Variants in TPO observed in about 807,000 individuals in gnomAD.
TPO encodes the protein thyroid peroxidase.
TPO carries 78 observed loss-of-function variants against 96.9 expected under a neutral mutation model. That is an observed-to-expected ratio of 0.81 (90% CI 0.67 to 0.97). TPO has a LOEUF of 0.97. Among genes scored for constraint, TPO ranks in the 50% least tolerant of loss-of-function variants. TPO has a pLI of 0.00. For synonymous variants in TPO, 547 were observed against 538.0 expected (o/e 1.02, Z -0.23); for missense variants, 1,252 against 1,274.8 (o/e 0.98, Z 0.27).
At chr2:1,453,902 G>T (rs1400525148) in intron 6 of TPO, 79 bp downstream of exon 6, 13 of 1,596,412 alleles carry the variant, frequency 8.1e-6, no homozygotes, top group Non-Finnish European at 1.1e-5. Context: ...CTTTTACTGG[G>T]TTCTTGCTCG....
chr2:1,507,763 A>G (rs1673632890), intron 14 of TPO, among the ~76,000 whole-genome samples: 1 of 152,124 alleles, frequency 6.6e-6, no homozygotes, highest in South Asian at 2.1e-4. Context: ...GAAGTTGCTT[A>G]TCAGCTTAAG....
At chr2:1,378,932 C>T (rs913045760) in intron 1 of TPO, among the ~76,000 whole-genome samples, 4 of 152,108 alleles carry the variant, frequency 2.6e-5, no homozygotes, top group African/African-American at 7.2e-5. Context: ...TGAACCCTGG[C>T]GAGGTGCACA....
At chr2:1,465,710 C>T (rs982644293) in intron 7 of TPO, among the ~76,000 whole-genome samples, 1 of 151,788 alleles carries the variant, frequency 6.6e-6, no homozygotes, top group Non-Finnish European at 1.5e-5. Context: ...TTGCTGTTGG[C>T]GTATAGAAGA....
At chr2:1,517,340 TAA>T (rs1674815004) in intron 15 of TPO, among the ~76,000 whole-genome samples, 2 of 152,200 alleles carry the variant, frequency 1.3e-5, no homozygotes, top group African/African-American at 4.8e-5. Flanking sequence ...CATCCATGAA[TAA>T]AAAGTTTTAT....
chr2:1,534,149 C>A (rs1558432133), intron 15 of TPO, among the ~76,000 whole-genome samples: 1 of 55,596 alleles, frequency 1.8e-5, no homozygotes, highest in Non-Finnish European at 3.6e-5. Context: ...CTGTTTGCAA[C>A]CTCCCAAATC....
At chr2:1,453,945 TC>T (rs757364291) in intron 6 of TPO, 122 bp downstream of exon 6, 45 of 1,424,860 alleles carry the variant, frequency 3.2e-5, no homozygotes, top group Non-Finnish European at 4.4e-5. Flanking sequence ...CTTCAGATCC[TC>T]CCAGCCTCCC....
upstream of TPO, among the ~76,000 whole-genome samples, chr2:1,408,474 C>T (rs983238116): frequency 3.3e-5 from 5 of 152,164 alleles, no homozygotes; most frequent in Admixed American, 3.3e-4. Flanking sequence ...AATCCTGGTT[C>T]AGTGAGCTTA....
At chr2:1,462,765 A>G (rs1668566122) in intron 7 of TPO, among the ~76,000 whole-genome samples, 1 of 152,250 alleles carries the variant, frequency 6.6e-6, no homozygotes, top group Non-Finnish European at 1.5e-5. Flanking sequence ...AATCTTCCCT[A>G]GGGACAATGT....
In TPO at chr2:1,428,906, C is replaced by T. The variant is rs150831129; in HGVS notation, c.180-4532C>T. 4.9e-3 allele frequency among the ~76,000 whole-genome samples: 741 copies of T among 152,160 alleles called. 3 individuals carry two copies. Among genetic ancestry groups the T allele is most frequent in the South Asian group, 0.018 (84 of 4,796 alleles). On this transcript the variant is annotated intron_variant, in intron 3 of 16. Transcript: ENST00000329066. ...CTGACAATGTCACTTGTGTCTGGGC[C>T]GAGAGTCTCCTGTCTTTGGCTGGCA...
intron 13 of TPO, among the ~76,000 whole-genome samples, chr2:1,499,898 G>C (rs1481099035): frequency 6.6e-6 from 1 of 152,226 alleles, no homozygotes; most frequent in East Asian, 1.9e-4. Flanking sequence ...ACAGGAATAA[G>C]GCATTGATTT....
In TPO at chr2:1,483,675, C is replaced by T. The variant is rs572768464; in HGVS notation, c.1339-921C>T. Among the ~76,000 whole-genome samples, 27 of 152,296 alleles carry T rather than the reference C, an allele frequency of 1.8e-4. 1 individual carries two copies. The East Asian group carries it at 4.5e-3, about 25-fold the overall frequency. ...ACCAATGGATGAACTAGCACAGGGACGGAAACCCCACTGGGAAACATTTGG... is the reference window on the plus strand; with the variant it reads ...ACCAATGGATGAACTAGCACAGGGATGGAAACCCCACTGGGAAACATTTGG... On this transcript the variant is annotated intron_variant, in intron 8 of 16. Coordinates refer to ENST00000329066, the MANE Select transcript of TPO (RefSeq NM_001206744.2).
At chr2:1,461,291 A>C (rs1485472064) in intron 7 of TPO, among the ~76,000 whole-genome samples, 1 of 152,196 alleles carries the variant, frequency 6.6e-6, no homozygotes, top group Non-Finnish European at 1.5e-5. Context: ...AGTTATGTGG[A>C]TGGCTGCGTT....
At chr2:1,494,685 G>A (rs28991278) in intron 11 of TPO, among the ~76,000 whole-genome samples, 3,063 of 152,268 alleles carry the variant, frequency 0.02, 95 homozygotes, top group African/African-American at 0.07. Context: ...ACCAGTGTTA[G>A]GATTTTGGAA....
At chr2:1,523,460 T>C (rs1323441256) in intron 15 of TPO, among the ~76,000 whole-genome samples, 3 of 100,742 alleles carry the variant, frequency 3.0e-5, no homozygotes, top group Non-Finnish European at 5.9e-5. Flanking sequence ...GTGTGCAACC[T>C]CCTCAGTTCC....
At chr2:1,423,931 A>G (rs1346184908) in intron 3 of TPO, among the ~76,000 whole-genome samples, 1 of 152,236 alleles carries the variant, frequency 6.6e-6, no homozygotes. Context: ...ATTCCTGGGG[A>G]AGACATGGCA....
chr2:1,457,817 T>A (rs1443467538), intron 7 of TPO, among the ~76,000 whole-genome samples: 2 of 152,128 alleles, frequency 1.3e-5, no homozygotes, highest in East Asian at 3.9e-4. Context: ...TGATATTGTG[T>A]GGTCGTGTAT....
At chr2:1,447,318 G>A (rs1213708838) in intron 5 of TPO, among the ~76,000 whole-genome samples, 2 of 152,200 alleles carry the variant, frequency 1.3e-5, no homozygotes, top group African/African-American at 4.8e-5. Context: ...GTCCTTAGAC[G>A]ATAACTTTAC....
chr2:1,420,659 C>A (rs10206727), intron 2 of TPO, among the ~76,000 whole-genome samples: 25,317 of 152,012 alleles, frequency 0.17, 2,451 homozygotes, highest in African/African-American at 0.28. Context: ...GCATCAGGAG[C>A]CTTCAGATGC....
Position 1,484,701 on chromosome 2 carries a change from T to C in TPO, c.1444T>C (p.Ser482Pro). The C allele has an allele frequency of 1.2e-6, 2 of 1,614,064 alleles. No homozygotes were observed. The highest frequency in any genetic ancestry group is 1.1e-5 in the South Asian group (1 of 91,068). Residue 482 changes from serine (S) to proline (P), a missense_variant, in exon 9 of 17, where the codon TCC becomes CCC. Physicochemically the swap from Ser to Pro is moderately conservative, Grantham distance 74. Transcript: ENST00000329066. ...GYDSTANPTVSNVFSTAAFRF... is the reference protein window; with the variant it reads ...GYDSTANPTVPNVFSTAAFRF... The stretch of plus-strand genomic sequence containing the variant: ...TGACTCCACCGCCAACCCCACTGTG[T>C]CCAACGTGTTCTCCACAGCCGCCTT...
Sources: gnomAD v4.1 joint callset for allele counts (sites outside exome capture counted in the v4.1 genomes callset) on GRCh38, gnomAD v4.1.1 for gene constraint, MANE v1.5 for transcripts, NCBI Gene and HGNC (gene_info 2026-07-23, HGNC 2026-07-21) for gene names.